Variants in DLK2 observed in about 807,000 individuals in gnomAD.
DLK2 encodes delta like non-canonical Notch ligand 2.
A neutral mutation model predicts 31.3 loss-of-function variants in DLK2; 9 were observed. The observed-to-expected ratio is 0.29, with a 90% CI of 0.17 to 0.50. The LOEUF (loss-of-function observed/expected upper bound fraction) is 0.50. Ranked by LOEUF, DLK2 falls within the 20% of genes least tolerant of loss-of-function variation. The pLI is 0.98. For missense variants in DLK2, 387 were observed against 526.1 expected (o/e 0.74, Z 2.59); for synonymous variants, 169 against 201.2 (o/e 0.84, Z 1.35).
rs759269315 is a variant in DLK2 at position 43,451,987 on chromosome 6, G to A, written c.369C>T (p.Phe123=). 9.3e-6 allele frequency: 15 copies of A among 1,614,206 alleles called. No homozygotes were observed. In the East Asian group the frequency reaches 3.3e-4, roughly 36 times the overall value. ...GEYHCVCLPG[F]HGRDCERKAG... ...CCTTGCGCTCGCAGTCACGCCCATG[G>A]AAGCCTGGTAAGCACACACAATGGT... Residue 123 remains phenylalanine (F), a synonymous_variant, in exon 5 of 6, where the codon TTC becomes TTT. Transcript: ENST00000372488. The surrounding 1 kb of genome is among the most constrained non-coding windows in gnomAD (Gnocchi z 4.4).
Position 43,453,431 on chromosome 6 carries a change from A to G in DLK2, c.141-296T>C, listed in dbSNP as rs116394330. 2.4e-3 allele frequency among the ~76,000 whole-genome samples: 365 copies of G among 152,350 alleles called. 3 individuals carry two copies. Among genetic ancestry groups the G allele is most frequent in the African/African-American group, 7.8e-3 (325 of 41,576 alleles). On this transcript the variant is annotated intron_variant, in intron 3 of 5. Transcript: ENST00000372488. This position sits in a 1 kb window ranked among gnomAD's most constrained non-coding sequence, Gnocchi z 4.1. ...GTAGAGGAAGAAATAAGATGTCTGT[A>G]AATGCCTCCAGTACCCCTCCTGGCA...
rs1415953855 is a variant in DLK2 at position 43,453,964 on chromosome 6, C to G, written c.140+447G>C. Among the ~76,000 whole-genome samples, 4 of 152,192 alleles carry G rather than the reference C, an allele frequency of 2.6e-5. No homozygotes were observed. Among genetic ancestry groups the G allele is most frequent in the African/African-American group, 9.7e-5 (4 of 41,438 alleles). On this transcript the variant is annotated intron_variant, in intron 3 of 5. Coordinates refer to ENST00000372488, the MANE Select transcript of DLK2 (RefSeq NM_023932.4). This position sits in a 1 kb window ranked among gnomAD's most constrained non-coding sequence, Gnocchi z 4.1. ...AACTCATTTCCTTATGTCCACTTTC[C>G]TCCTGCTACAGAATTTGCCCAATCT...
intron 2 of DLK2, 117 bp downstream of exon 2, chr6:43,454,633 G>A (rs1215637741): frequency 3.6e-6 from 5 of 1,403,656 alleles, no homozygotes; most frequent in South Asian, 1.3e-5. Flanking sequence ...GGCAACCTCG[G>A]TCTTGCTTGC....
upstream of DLK2, chr6:43,455,842 G>C (rs1305321525): frequency 1.3e-5 from 2 of 152,786 alleles, no homozygotes; most frequent in Non-Finnish European, 2.9e-5. Flanking sequence ...CCCGACCAGC[G>C]CTCCGCGGCC....
At position 43,450,617 on chromosome 6, in the gene DLK2, A is replaced by C; in HGVS notation, c.1074T>G (p.Cys358Trp). ...GCCCTGCTGGCAGCATGCTAACCTG[A>C]CACTCCTGGTCCTGGCACGCTGGAG... is the stretch of plus-strand genomic sequence containing the variant. ...HYAPACQDQE[C>W]QVSMLPAGLP... The change falls in exon 6 of 6, where the codon TGT (cysteine) becomes TGG (tryptophan). Residue 358 changes from cysteine (C) to tryptophan (W), a missense_variant. Transcript: ENST00000372488. This position sits in a 1 kb window ranked among gnomAD's most constrained non-coding sequence, Gnocchi z 4.5. 6.2e-7 allele frequency: 1 copy of C among 1,609,402 alleles called. No individual in the cohort carries two copies. Among genetic ancestry groups the C allele is most frequent in the South Asian group, 1.1e-5 (1 of 90,708 alleles).
Position 43,451,171 on chromosome 6 carries a change from T to A in DLK2, c.520A>T (p.Asn174Tyr). ...VGFVGARCEV[N>Y]VDDCLMRPCA... ...GGCCGCATCAGGCAGTCATCCACAT[T>A]TACCTCACAGCGGGCACCCACAAAG... Residue 174 changes from asparagine (N) to tyrosine (Y), a missense_variant, in exon 6 of 6, where the codon AAT becomes TAT. Coordinates refer to ENST00000372488, the MANE Select transcript of DLK2 (RefSeq NM_023932.4). The surrounding 1 kb of genome is among the most constrained non-coding windows in gnomAD (Gnocchi z 4.4). 7 of 1,614,112 alleles carry A rather than the reference T, an allele frequency of 4.3e-6. No individual in the cohort carries two copies. Among genetic ancestry groups the A allele is most frequent in the Non-Finnish European group, 5.9e-6 (7 of 1,180,020 alleles).
chr6:43,454,717 G>C (rs1259256684), intron 2 of DLK2, 33 bp downstream of exon 2: 1 of 1,539,862 alleles, frequency 6.5e-7, no homozygotes, highest in Non-Finnish European at 8.7e-7. Context: ...CGGCTGGACA[G>C]GGCCGCGACT....
rs766294294 is a variant in DLK2, at chr6:43,451,902, G to A, written c.416+38C>T. 6.2e-7 allele frequency: 1 copy of A among 1,611,742 alleles called. No homozygotes were observed. The highest frequency in any genetic ancestry group is 8.5e-7 in the Non-Finnish European group (1 of 1,179,310). On this transcript the variant is annotated intron_variant, in intron 5 of 5. Coordinates refer to ENST00000372488, the MANE Select transcript of DLK2 (RefSeq NM_023932.4). The surrounding 1 kb of genome is among the most constrained non-coding windows in gnomAD (Gnocchi z 4.4). ...TTTCTCATCCCATCACCAGGTTCTG[G>A]TCTAACCTTCCACTCACCCTGAGGG...
chr6:43,454,648 C>G (rs1025511618), intron 2 of DLK2, 102 bp downstream of exon 2: 1 of 1,441,164 alleles, frequency 6.9e-7, no homozygotes, highest in Non-Finnish European at 9.4e-7. Flanking sequence ...GCTTGCCCCG[C>G]GGGTCGGAGC....
At chr6:43,455,569 G>C (rs1783950325), upstream of DLK2, 1 of 150,552 alleles carries the variant, frequency 6.6e-6, no homozygotes, top group Admixed American at 6.6e-5. Flanking sequence ...GCGACCCCGA[G>C]CGGCGGCAGC....
rs568768413 is a variant in DLK2, at chr6:43,454,874, T to A, written c.-49A>T. The A allele has an allele frequency of 1.3e-6, 2 of 1,531,602 alleles. No homozygotes were observed. Among genetic ancestry groups the A allele is most frequent in the Non-Finnish European group, 1.7e-6 (2 of 1,145,398 alleles). The allele number at this position is 1,531,602 out of a possible 1,614,324, so 94.9% of individuals were successfully genotyped here. A position where few individuals can be genotyped will look rare whatever the true frequency, so the allele number is the denominator to read the frequency against. ...ACGGACGGATGGACGGCCGGACGCG[T>A]GGACACCTGTGGGACGGCACCGGTT... On this transcript the variant is annotated 5_prime_UTR_variant, in exon 2 of 6. Coordinates refer to ENST00000372488, the MANE Select transcript of DLK2 (RefSeq NM_023932.4).
In DLK2 at chr6:43,450,853, G is replaced by C. The variant is rs201087688; in HGVS notation, c.838C>G (p.His280Asp). 5 of 1,614,024 alleles carry C rather than the reference G, an allele frequency of 3.1e-6. No homozygotes were observed. Among genetic ancestry groups the C allele is most frequent in the Admixed American group, 1.7e-5 (1 of 60,006 alleles). ...VVVPATGPAP[H>D]SAGAGLLRIS... ...CGCAGCAGACCAGCCCCTGCGCTGT[G>C]GGGGGCTGGCCCCGTGGCAGGTACC... The change falls in exon 6 of 6, where the codon CAC (histidine) becomes GAC (aspartate). Residue 280 changes from histidine to aspartate, a missense_variant. By Grantham distance (81) the His-to-Asp change is moderately conservative. Transcript: ENST00000372488. The surrounding 1 kb of genome is among the most constrained non-coding windows in gnomAD (Gnocchi z 4.5).
In DLK2 at chr6:43,450,444, G is replaced by A; in HGVS notation, c.*95C>T. On this transcript the variant is annotated 3_prime_UTR_variant, in exon 6 of 6. Coordinates refer to ENST00000372488, the MANE Select transcript of DLK2 (RefSeq NM_023932.4). This position sits in a 1 kb window ranked among gnomAD's most constrained non-coding sequence, Gnocchi z 4.5. Reference sequence around the variant, plus strand: ...CTGGTGTGAGGCTGAGGTCTCCTCTGTGTGTGTACCCAAGCTGAAGGGTGG... The same window carrying A: ...CTGGTGTGAGGCTGAGGTCTCCTCTATGTGTGTACCCAAGCTGAAGGGTGG... 2 of 1,384,566 alleles carry A rather than the reference G, an allele frequency of 1.4e-6. No individual in the cohort carries two copies. The highest frequency in any genetic ancestry group is 1.9e-6 in the Non-Finnish European group (2 of 1,028,208). The allele number at this position is 1,384,566 out of a possible 1,614,324, so 85.8% of individuals were successfully genotyped here. A position where few individuals can be genotyped will look rare whatever the true frequency, so the allele number is the denominator to read the frequency against.
intron 1 of DLK2, 85 bp from the exon 2 acceptor site, chr6:43,454,965 G>A: frequency 1.4e-6 from 2 of 1,441,414 alleles, no homozygotes; most frequent in African/African-American, 1.4e-5. Context: ...GCCGACGAGG[G>A]AGAGGGGCGC....
At chr6:43,454,948 G>A in intron 1 of DLK2, 68 bp from the exon 2 acceptor site, 1 of 1,440,378 alleles carries the variant, frequency 6.9e-7, no homozygotes, top group Non-Finnish European at 9.1e-7. Context: ...GGTTCCAAGT[G>A]ACAGGAGCCG....
chr6:43,452,458 A>G (rs1404695732), intron 4 of DLK2, among the ~76,000 whole-genome samples: 1 of 152,174 alleles, frequency 6.6e-6, no homozygotes. Flanking sequence ...GCTCATGCCT[A>G]TAATTCCAGC....
In DLK2 at chr6:43,453,481, AAAG is replaced by A. The variant is rs945111381; in HGVS notation, c.141-349_141-347del. Among the ~76,000 whole-genome samples, 1 of 152,194 alleles carries A rather than the reference AAAG, an allele frequency of 6.6e-6. No homozygotes were observed. Among genetic ancestry groups the A allele is most frequent in the Non-Finnish European group, 1.5e-5 (1 of 68,032 alleles). Reference sequence around the variant, plus strand: ...ATGTCTGAGGTGCTCACAAACATTTAAAGAAGAATGACCTTGAAAGGCCATCAG... The same window carrying A: ...ATGTCTGAGGTGCTCACAAACATTTAAAGAATGACCTTGAAAGGCCATCAG... On this transcript the variant is annotated intron_variant, in intron 3 of 5. Coordinates refer to ENST00000372488, the MANE Select transcript of DLK2 (RefSeq NM_023932.4). This position sits in a 1 kb window ranked among gnomAD's most constrained non-coding sequence, Gnocchi z 4.1.
In DLK2 at chr6:43,451,263, C is replaced by T. The variant is rs367675670; in HGVS notation, c.428G>A (p.Arg143His). ...GTCGTCCTGGCACTGCCCGCCATTG[C>T]GGCATGGGGAGCTGTGGTAGGGGTG... ...GPCEQAGSPC[R>H]NGGQCQDDQG... Residue 143 changes from arginine (R) to histidine (H), a missense_variant, in exon 6 of 6, where the codon CGC (arginine) becomes CAC (histidine). By Grantham distance (29) the Arg-to-His change is conservative. Transcript: ENST00000372488. This position sits in a 1 kb window ranked among gnomAD's most constrained non-coding sequence, Gnocchi z 4.4. 21 of 1,613,624 alleles carry T rather than the reference C, an allele frequency of 1.3e-5. No homozygotes were observed. Among genetic ancestry groups the T allele is most frequent in the East Asian group, 2.2e-5 (1 of 44,882 alleles).
In DLK2 at chr6:43,453,300, T is replaced by C. The variant is rs545984465; in HGVS notation, c.141-165A>G. 4.6e-5 allele frequency among the ~76,000 whole-genome samples: 7 copies of C among 152,340 alleles called. No homozygotes were observed. The East Asian group carries it at 1.3e-3, about 29-fold the overall frequency. On this transcript the variant is annotated intron_variant, in intron 3 of 5. Transcript: ENST00000372488. This position sits in a 1 kb window ranked among gnomAD's most constrained non-coding sequence, Gnocchi z 4.1. Reference sequence around the variant, plus strand: ...ACTGTGCAGGGTCATAGGACACATATACGGAATCAGACCATCAGACACCAG... The same window carrying C: ...ACTGTGCAGGGTCATAGGACACATACACGGAATCAGACCATCAGACACCAG...
Sources: gnomAD v4.1 joint callset for allele counts (sites outside exome capture counted in the v4.1 genomes callset) on GRCh38, gnomAD v4.1.1 for gene constraint, Gnocchi (gnomAD v3.1) non-coding constraint, MANE v1.5 for transcripts, NCBI Gene and HGNC (gene_info 2026-07-23, HGNC 2026-07-21) for gene names.